The following AGTR1 variants were observed in gnomAD, a reference collection of about 807,000 sequenced individuals.
AGTR1 encodes the protein angiotensin II receptor type 1, also known as type-1 angiotensin II receptor.
A neutral mutation model predicts 19.4 loss-of-function variants in AGTR1; 16 were observed. The ratio of observed to expected loss-of-function variants is 0.82; its 90% CI spans 0.56 to 1.25. AGTR1 has a LOEUF of 1.25. Ranked by LOEUF, AGTR1 falls within the 50% of genes most tolerant of loss-of-function variation. The pLI is 0.00. For synonymous variants in AGTR1, 153 were observed against 154.9 expected, an observed-to-expected ratio of 0.99 and a Z score of 0.09; for missense variants, 373 against 431.9, an observed-to-expected ratio of 0.86 and a Z score of 1.21.
chr3:148,739,139 A>T (rs1302613234), intron 2 of AGTR1, among the ~76,000 whole-genome samples: 1 of 152,166 alleles, frequency 6.6e-6, no homozygotes, highest in Non-Finnish European at 1.5e-5. Context: ...CGGGTGGATC[A>T]CCCGAAGTCA....
rs140848057 is a variant in AGTR1 at position 148,728,967 on chromosome 3, C to T, written c.-47-12022C>T. ...TCTATTTCCTACTGCGGGGTTCCTT[C>T]CCTAACCACAATTGCTTTTGGATTG... On this transcript the variant is annotated intron_variant, in intron 2 of 2. Transcript: ENST00000349243. 7.9e-5 allele frequency among the ~76,000 whole-genome samples: 12 copies of T among 152,154 alleles called. No homozygotes were observed. The East Asian group carries it at 1.7e-3, about 22-fold the overall frequency.
At chr3:148,733,111 C>T (rs546345625) in intron 2 of AGTR1, among the ~76,000 whole-genome samples, 4 of 152,264 alleles carry the variant, frequency 2.6e-5, no homozygotes, top group Admixed American at 2.6e-4. Flanking sequence ...ATGACTGCTT[C>T]AAGGTCACCC....
At position 148,718,615 on chromosome 3, in the gene AGTR1, A is replaced by G. The variant is rs534087061; in HGVS notation, c.-48+10588A>G. On this transcript the variant is annotated intron_variant, in intron 2 of 2. Coordinates refer to ENST00000349243, the MANE Select transcript of AGTR1 (RefSeq NM_000685.5). ...TAACCAGGCAAGCTCAGTCTCATGC[A>G]TTAGTTTATAAAATTGCAACAGAGC... 3.3e-5 allele frequency among the ~76,000 whole-genome samples: 5 copies of G among 152,368 alleles called. No homozygotes were observed. The South Asian group carries it at 1.0e-3, about 32-fold the overall frequency.
chr3:148,723,152 T>C (rs1674559053), intron 2 of AGTR1, among the ~76,000 whole-genome samples: 1 of 152,210 alleles, frequency 6.6e-6, no homozygotes, highest in Admixed American at 6.5e-5. Flanking sequence ...TGTAGCAATG[T>C]GTTCTCTTCC....
rs1483262754 is a variant in AGTR1 at position 148,716,225 on chromosome 3, C to A, written c.-48+8198C>A. ...GCTATACTCCCTTTCCTAGTCTACC[C>A]TATCCCACAACGGAACCATACTTCT... On this transcript the variant is annotated intron_variant, in intron 2 of 2. Coordinates refer to ENST00000349243, the MANE Select transcript of AGTR1 (RefSeq NM_000685.5). This position sits in a 1 kb window ranked among gnomAD's most constrained non-coding sequence, Gnocchi z 4.7. 6.6e-6 allele frequency among the ~76,000 whole-genome samples: 1 copy of A among 152,148 alleles called. No homozygotes were observed. The highest frequency in any genetic ancestry group is 1.5e-5 in the Non-Finnish European group (1 of 68,020).
At chr3:148,721,827 G>A (rs892426806) in intron 2 of AGTR1, among the ~76,000 whole-genome samples, 12 of 152,120 alleles carry the variant, frequency 7.9e-5, no homozygotes, top group Non-Finnish European at 1.5e-4. Context: ...GTATTAGAGA[G>A]AACAAGCCCC....
rs201745152 is a variant in AGTR1 at position 148,741,342 on chromosome 3, A to T, written c.307A>T (p.Ile103Phe). The part of the protein sequence containing the change: ...RWPFGNYLCK[I>F]ASASVSFNLY... ...GCCCTTTGGCAATTACCTATGTAAG[A>T]TTGCTTCAGCCAGCGTCAGTTTCAA... Residue 103 changes from isoleucine to phenylalanine, a missense_variant, in exon 3 of 3, where the codon ATT becomes TTT. Coordinates refer to ENST00000349243, the MANE Select transcript of AGTR1 (RefSeq NM_000685.5). The T allele has an allele frequency of 2.0e-4, 319 of 1,607,546 alleles. No homozygotes were observed. Among genetic ancestry groups the T allele is most frequent in the Non-Finnish European group, 2.5e-4 (300 of 1,179,640 alleles).
chr3:148,706,077 T>C (rs1712652966), intron 1 of AGTR1, among the ~76,000 whole-genome samples: 3 of 151,984 alleles, frequency 2.0e-5, no homozygotes, highest in African/African-American at 7.2e-5. Flanking sequence ...TGGATCTCTA[T>C]TGATTTTATA....
chr3:148,738,443 G>A (rs1388765175), intron 2 of AGTR1, among the ~76,000 whole-genome samples: 2 of 151,562 alleles, frequency 1.3e-5, no homozygotes, highest in Non-Finnish European at 2.9e-5. Context: ...TCCACATTAA[G>A]CCACAAATGA....
At chr3:148,738,105 A>G (rs766748239) in intron 2 of AGTR1, among the ~76,000 whole-genome samples, 2 of 152,196 alleles carry the variant, frequency 1.3e-5, no homozygotes. Context: ...CACTCCAAAC[A>G]TAGGATTAAT....
chr3:148,742,039 G>A lies in AGTR1; in HGVS notation c.1004G>A (p.Ser335Asn), dbSNP rs1474368913. Residue 335 changes from serine (S) to asparagine (N), a missense_variant, in exon 3 of 3, where the codon AGC becomes AAC. Coordinates refer to ENST00000349243, the MANE Select transcript of AGTR1 (RefSeq NM_000685.5). ...KSHSNLSTKMSTLSYRPSDNV... is the reference protein window; with the variant it reads ...KSHSNLSTKMNTLSYRPSDNV... ...CACTCAAACCTTTCAACAAAAATGA[G>A]CACGCTTTCCTACCGCCCCTCAGAT... The A allele has an allele frequency of 6.2e-7, 1 of 1,613,880 alleles. No homozygotes were observed.
chr3:148,727,372 C>T (rs2107956160), intron 2 of AGTR1, among the ~76,000 whole-genome samples: 1 of 152,292 alleles, frequency 6.6e-6, no homozygotes, highest in Non-Finnish European at 1.5e-5. Context: ...ATATTGCAGT[C>T]AGTTCAGACC....
At chr3:148,739,744 C>A in intron 2 of AGTR1, 1 of 1,226,170 alleles carries the variant, frequency 8.2e-7, no homozygotes. Context: ...GAATGCCAAG[C>A]ACAACCATGC....
intron 2 of AGTR1, among the ~76,000 whole-genome samples, chr3:148,739,501 A>T (rs1714756245): frequency 2.6e-5 from 4 of 152,216 alleles, no homozygotes; most frequent in Admixed American, 2.6e-4. Flanking sequence ...TCAAAGAAGA[A>T]AAGGATGTAC....
chr3:148,724,275 A>G (rs573535055), intron 2 of AGTR1, among the ~76,000 whole-genome samples: 32 of 152,222 alleles, frequency 2.1e-4, no homozygotes, highest in South Asian at 4.1e-4. Context: ...CAGCCTATAT[A>G]TGTATTTGAA....
intron 2 of AGTR1, among the ~76,000 whole-genome samples, chr3:148,723,864 G>A (rs1417514372): frequency 6.6e-6 from 1 of 152,180 alleles, no homozygotes; most frequent in African/African-American, 2.4e-5. Flanking sequence ...AACAAACAGA[G>A]ACATACTTCA....
chr3:148,715,245 T>G (rs531242109), intron 2 of AGTR1, among the ~76,000 whole-genome samples: 75 of 152,304 alleles, frequency 4.9e-4, no homozygotes, highest in African/African-American at 1.7e-3. Context: ...TCCCCATGCT[T>G]TTTTCATGTC....
rs1714993113 is a variant in AGTR1, at chr3:148,742,771, G to A, written c.*656G>A. The A allele has an allele frequency of 5.8e-6, 1 of 171,012 alleles. No homozygotes were observed. Among genetic ancestry groups the A allele is most frequent in the Admixed American group, 6.3e-5 (1 of 15,972 alleles). The allele number at this position is 171,012 out of a possible 1,614,324, so 10.6% of individuals were successfully genotyped here. A position where few individuals can be genotyped will look rare whatever the true frequency, so the allele number is the denominator to read the frequency against. ...AAGTTAAACTACTTGTAAAGGTGCT[G>A]CACTGGTCCCAAGTAGTAGTGTCTT... is the stretch of plus-strand genomic sequence containing the variant. On this transcript the variant is annotated 3_prime_UTR_variant, in exon 3 of 3. Coordinates refer to ENST00000349243, the MANE Select transcript of AGTR1 (RefSeq NM_000685.5).
chr3:148,725,496 A>G (rs947693339), intron 2 of AGTR1, among the ~76,000 whole-genome samples: 10 of 152,158 alleles, frequency 6.6e-5, no homozygotes, highest in Non-Finnish European at 4.4e-5. Context: ...TTTACTTAGT[A>G]TATGTATAAG....
Sources: gnomAD v4.1 joint callset for allele counts (sites outside exome capture counted in the v4.1 genomes callset) on GRCh38, gnomAD v4.1.1 for gene constraint, Gnocchi (gnomAD v3.1) non-coding constraint, MANE v1.5 for transcripts, NCBI Gene and HGNC (gene_info 2026-07-23, HGNC 2026-07-21) for gene names.